DGKI: variants seen among roughly 807,000 people sequenced by gnomAD.
DGKI encodes DAG kinase iota.
In DGKI, 55 loss-of-function variants were observed where a neutral mutation model predicts 147.5. The observed-to-expected ratio is 0.37, with a 90% CI of 0.30 to 0.47. The LOEUF (loss-of-function observed/expected upper bound fraction) is 0.47, where lower values mean the gene tolerates loss of function less well. Ranked by LOEUF, DGKI falls within the 20% of genes least tolerant of loss-of-function variation. DGKI has a pLI of 1.00. For synonymous variants in DGKI, 469 were observed against 477.1 expected, an observed-to-expected ratio of 0.98 and a Z score of 0.22; for missense variants, 1,007 against 1,323.8, an observed-to-expected ratio of 0.76 and a Z score of 3.71.
chr7:137,755,910 G>A (rs138175528), intron 1 of DGKI, among the ~76,000 whole-genome samples: 6 of 152,258 alleles, frequency 3.9e-5, no homozygotes, highest in African/African-American at 1.4e-4. Flanking sequence ...AAAAGACTTG[G>A]GTTCCTGGTC....
intron 28 of DGKI, among the ~76,000 whole-genome samples, chr7:137,428,877 AAAC>A (rs1812935646): frequency 6.6e-6 from 1 of 152,190 alleles, no homozygotes; most frequent in Non-Finnish European, 1.5e-5. Context: ...GGAGAACTAC[AAAC>A]AACTGCTCAA....
chr7:137,748,735 A>G (rs957368943), intron 1 of DGKI, among the ~76,000 whole-genome samples: 2 of 152,200 alleles, frequency 1.3e-5, no homozygotes, highest in Admixed American at 1.3e-4. Context: ...TAAATCCACC[A>G]TTCCCAAACA....
intron 8 of DGKI, among the ~76,000 whole-genome samples, chr7:137,613,960 A>G (rs1215024299): frequency 6.6e-6 from 1 of 152,194 alleles, no homozygotes; most frequent in African/African-American, 2.4e-5. Flanking sequence ...CTCTGCATAT[A>G]TCATAGGAAG....
At chr7:137,477,309 C>T (rs1278176856) in intron 23 of DGKI, among the ~76,000 whole-genome samples, 1 of 152,186 alleles carries the variant, frequency 6.6e-6, no homozygotes, top group Non-Finnish European at 1.5e-5. Context: ...GGTAACTTTG[C>T]TGTATGCATT....
At chr7:137,675,709 C>T (rs1027850043) in intron 3 of DGKI, among the ~76,000 whole-genome samples, 1 of 141,988 alleles carries the variant, frequency 7.0e-6, no homozygotes. Context: ...AAAAAAAAAT[C>T]GGAGACTCTC....
chr7:137,388,994 G>A lies in DGKI; in HGVS notation c.*2226C>T, dbSNP rs958614085. 2.6e-5 allele frequency: 4 copies of A among 152,170 alleles called. No homozygotes were observed. Among genetic ancestry groups the A allele is most frequent in the Non-Finnish European group, 1.5e-5 (1 of 68,030 alleles). The allele number at this position is 152,170 out of a possible 1,614,324, so 9.4% of individuals were successfully genotyped here. On this transcript the variant is annotated 3_prime_UTR_variant, in exon 33 of 33. Transcript: ENST00000614521. ...AGAGAAATGTGAGATGGTAGTTGAT[G>A]AAAACAGAGTTCTTCATCCCAACAG...
chr7:137,645,654 A>C, intron 5 of DGKI, 117 bp from the exon 6 acceptor site: 1 of 894,696 alleles, frequency 1.1e-6, no homozygotes, highest in Non-Finnish European at 1.6e-6. Flanking sequence ...GCAGCCTCGA[A>C]CTCCTCTGCT....
intron 1 of DGKI, among the ~76,000 whole-genome samples, chr7:137,789,306 TA>T (rs977993091): frequency 5.5e-4 from 83 of 151,776 alleles, no homozygotes; most frequent in African/African-American, 1.9e-3. Flanking sequence ...GAGGTTTTTT[TA>T]AAAAAAATAA....
intron 19 of DGKI, among the ~76,000 whole-genome samples, chr7:137,560,803 G>A (rs1818394604): frequency 6.6e-6 from 1 of 152,112 alleles, no homozygotes; most frequent in East Asian, 1.9e-4. Context: ...AAAAGACAAG[G>A]AAACTAATTC....
chr7:137,442,948 A>G lies in DGKI; in HGVS notation c.2761+1129T>C, dbSNP rs146307671. On this transcript the variant is annotated intron_variant, in intron 28 of 32. Transcript: ENST00000614521. ...TAAGCAGATCAGCAAGCCCTTACAGAGGATGAGGTGAGGTGCATAGAAACC... is the reference window on the plus strand; with the variant it reads ...TAAGCAGATCAGCAAGCCCTTACAGGGGATGAGGTGAGGTGCATAGAAACC... Among the ~76,000 whole-genome samples, 300 of 152,328 alleles carry G rather than the reference A, an allele frequency of 2.0e-3. 1 individual carries two copies. Among genetic ancestry groups the G allele is most frequent in the African/African-American group, 6.8e-3 (284 of 41,568 alleles).
chr7:137,739,973 G>C (rs1795131706), intron 1 of DGKI, among the ~76,000 whole-genome samples: 1 of 152,166 alleles, frequency 6.6e-6, no homozygotes, highest in African/African-American at 2.4e-5. Context: ...CCATGTCTTT[G>C]AAGGTTGGTA....
chr7:137,574,500 T>C (rs1253079024), intron 17 of DGKI, among the ~76,000 whole-genome samples: 1 of 152,182 alleles, frequency 6.6e-6, no homozygotes, highest in African/African-American at 2.4e-5. Context: ...TAATAAATAT[T>C]ATTGTATTTA....
intron 1 of DGKI, among the ~76,000 whole-genome samples, chr7:137,826,408 AC>A (rs1444735175): frequency 6.6e-6 from 1 of 152,234 alleles, no homozygotes; most frequent in Non-Finnish European, 1.5e-5. Context: ...CACTCCATTT[AC>A]TGAAGATTAT....
intron 19 of DGKI, among the ~76,000 whole-genome samples, chr7:137,556,537 T>G (rs1450918502): frequency 6.6e-6 from 1 of 152,088 alleles, no homozygotes; most frequent in Non-Finnish European, 1.5e-5. Flanking sequence ...AAAAAACCAA[T>G]AGTATTCTAC....
intron 27 of DGKI, among the ~76,000 whole-genome samples, chr7:137,459,470 A>ATTTTTTTTTTTTTTTTTTTTTTT (rs68045398): frequency 9.3e-6 from 1 of 107,484 alleles, no homozygotes. Flanking sequence ...AATTTTTTAA[A>ATTTTTTTTTTTTTTTTTTTTTTT]TTTTTTTTTT....
At chr7:137,545,915 G>C in intron 20 of DGKI, 1 of 702,666 alleles carries the variant, frequency 1.4e-6, no homozygotes, top group Admixed American at 2.0e-5. Context: ...GAAGGAGCCG[G>C]GGGGAGCAGA....
intron 1 of DGKI, among the ~76,000 whole-genome samples, chr7:137,771,392 A>G (rs1048209234): frequency 1.3e-5 from 2 of 152,162 alleles, no homozygotes; most frequent in African/African-American, 2.4e-5. Flanking sequence ...TGCCAGGCCA[A>G]CTTTCTTAAA....
At position 137,385,183 on chromosome 7, in the gene DGKI, ATT is replaced by A. The variant is rs1057174529; in HGVS notation, c.*6035_*6036del. The A allele has an allele frequency of 2.0e-5, 3 of 152,108 alleles. No individual in the cohort carries two copies. The highest frequency in any genetic ancestry group is 2.0e-4 in the Admixed American group (3 of 15,260). 9.4% of individuals were successfully genotyped at this position (152,108 alleles called of 1,614,324 possible). On this transcript the variant is annotated 3_prime_UTR_variant, in exon 33 of 33. Transcript: ENST00000614521. ...TCAAAATTTATAAGCTTCCAGAAGTATTTTTAATTAAATTACACCTTTTAGTA... is the reference window on the plus strand; with the variant it reads ...TCAAAATTTATAAGCTTCCAGAAGTATTTAATTAAATTACACCTTTTAGTA...
intron 2 of DGKI, 27 bp from the exon 3 acceptor site, chr7:137,678,679 CA>C: frequency 6.3e-7 from 1 of 1,599,262 alleles, no homozygotes; most frequent in Non-Finnish European, 8.6e-7. Flanking sequence ...CACCTGACAT[CA>C]ATTTTTTTTT....
Sources: allele counts gnomAD v4.1 joint callset (sites outside exome capture counted in the v4.1 genomes callset), GRCh38; gene constraint gnomAD v4.1.1; transcripts MANE v1.5; gene names NCBI Gene and HGNC (gene_info 2026-07-23, HGNC 2026-07-21).